The following RTTN variants were observed in gnomAD, a reference collection of about 807,000 sequenced individuals.
RTTN encodes rotatin.
A neutral mutation model predicts 269.2 loss-of-function variants in RTTN; 182 were observed. That is an observed-to-expected ratio of 0.68 (90% CI 0.60 to 0.76). The LOEUF (loss-of-function observed/expected upper bound fraction) is 0.76. Ranked by LOEUF, RTTN falls within the 30% of genes least tolerant of loss-of-function variation. RTTN has a pLI of 0.00. For missense variants in RTTN, 2,545 were observed against 2,608.6 expected (o/e 0.98, Z 0.53); for synonymous variants, 1,006 against 963.5 (o/e 1.04, Z -0.82).
Position 70,028,811 on chromosome 18 carries a change from C to G in RTTN, c.5746-10G>C. 6.3e-7 allele frequency: 1 copy of G among 1,599,610 alleles called. No individual in the cohort carries two copies. ...TAATAACACCATCCTCCTATTTAAACAAAAAGCAGTTGAAAACTGTGAATG... is the reference window on the plus strand; with the variant it reads ...TAATAACACCATCCTCCTATTTAAAGAAAAAGCAGTTGAAAACTGTGAATG... On this transcript the variant is annotated splice_polypyrimidine_tract_variant and intron_variant, in intron 42 of 48. Coordinates refer to ENST00000640769, the MANE Select transcript of RTTN (RefSeq NM_173630.4).
At chr18:70,013,616 T>C (rs1017944661) in intron 46 of RTTN, among the ~76,000 whole-genome samples, 3 of 152,300 alleles carry the variant, frequency 2.0e-5, no homozygotes, top group Admixed American at 6.5e-5. Context: ...AAAATGTAAA[T>C]AATGAGACAG....
intron 47 of RTTN, 88 bp from the exon 48 acceptor site, chr18:70,005,355 T>C (rs1000206367): frequency 2.7e-5 from 21 of 785,886 alleles, no homozygotes; most frequent in African/African-American, 1.1e-4. Flanking sequence ...AACTACAGTA[T>C]TAAACAGAAT....
Position 70,065,831 on chromosome 18 carries a change from T to G in RTTN, c.4745A>C (p.Gln1582Pro). ...GAATGTCTTCACTAAAAGGATACCT[T>G]GAGCCACAAACTGGTCATGGGAGGC... ...PEASHDQFVA[Q>P]GHQESTSPRP... The change falls in exon 35 of 49, where the codon CAA becomes CCA. Residue 1582 changes from glutamine to proline, a missense_variant and splice_region_variant. Physicochemically the swap from Gln to Pro is moderately conservative, Grantham distance 76 (BLOSUM62 -1). Coordinates refer to ENST00000640769, the MANE Select transcript of RTTN (RefSeq NM_173630.4). 1 of 1,585,154 alleles carries G rather than the reference T, an allele frequency of 6.3e-7. No homozygotes were observed. The highest frequency in any genetic ancestry group is 8.6e-7 in the Non-Finnish European group (1 of 1,164,872).
At chr18:70,006,218 G>GGTTT (rs2056181399) in intron 47 of RTTN, 163 bp downstream of exon 47, 1 of 532,894 alleles carries the variant, frequency 1.9e-6, no homozygotes, top group Admixed American at 3.4e-5. Context: ...TTCAACTGAT[G>GGTTT]GTTTACTAAT....
At chr18:70,102,512 T>C (rs191462125) in intron 28 of RTTN, among the ~76,000 whole-genome samples, 127 of 152,334 alleles carry the variant, frequency 8.3e-4, no homozygotes, top group African/African-American at 2.2e-3. Context: ...TGATGGGTCT[T>C]GACTCTTTAT....
At chr18:70,156,538 C>A (rs549339473) in intron 14 of RTTN, among the ~76,000 whole-genome samples, 2 of 152,110 alleles carry the variant, frequency 1.3e-5, no homozygotes, top group Admixed American at 1.3e-4. Flanking sequence ...TATTCTATTA[C>A]CTTGTGAAGC....
intron 25 of RTTN, among the ~76,000 whole-genome samples, chr18:70,123,878 T>C (rs964209927): frequency 5.3e-5 from 8 of 152,020 alleles, no homozygotes; most frequent in Non-Finnish European, 1.2e-4. Flanking sequence ...GATCAATAAA[T>C]GTTTGTTGAA....
chr18:70,135,063 T>C lies in RTTN; in HGVS notation c.2885+121A>G, dbSNP rs1599718591. 5.2e-5 allele frequency: 28 copies of C among 542,820 alleles called. 1 individual carries two copies. The East Asian group carries it at 9.7e-4, about 19-fold the overall frequency. The allele number at this position is 542,820 out of a possible 1,614,324, so 33.6% of individuals were successfully genotyped here. On this transcript the variant is annotated intron_variant, in intron 22 of 48. Transcript: ENST00000640769. ...TTCAAATCAAAATTCATACCACATA[T>C]GTGTAGCATGGACAGCATAAGCTTC...
intron 26 of RTTN, among the ~76,000 whole-genome samples, chr18:70,120,673 A>C (rs2059713241): frequency 6.6e-6 from 1 of 152,208 alleles, no homozygotes; most frequent in Non-Finnish European, 1.5e-5. Flanking sequence ...ATAGACCAAC[A>C]ACAGGGACCT....
At chr18:70,038,291 T>A (rs917261436) in intron 40 of RTTN, among the ~76,000 whole-genome samples, 3 of 152,152 alleles carry the variant, frequency 2.0e-5, no homozygotes, top group African/African-American at 7.2e-5. Flanking sequence ...GCGACTGCAG[T>A]GGGCTTGAGA....
At position 70,070,710 on chromosome 18, in the gene RTTN, C is replaced by T. The variant is rs116308334; in HGVS notation, c.4653+3196G>A. ...ACTCCTATCTGATTAGTCAGGTCATCAAACTTTAGCTTTCCGTCCCACATT... is the reference window on the plus strand; with the variant it reads ...ACTCCTATCTGATTAGTCAGGTCATTAAACTTTAGCTTTCCGTCCCACATT... On this transcript the variant is annotated intron_variant, in intron 34 of 48. Coordinates refer to ENST00000640769, the MANE Select transcript of RTTN (RefSeq NM_173630.4). Among the ~76,000 whole-genome samples, 523 of 152,292 alleles carry T rather than the reference C, an allele frequency of 3.4e-3. 2 individuals carry two copies. The highest frequency in any genetic ancestry group is 0.012 in the African/African-American group (490 of 41,576).
At chr18:70,108,394 T>C (rs2059378586) in intron 28 of RTTN, among the ~76,000 whole-genome samples, 1 of 152,056 alleles carries the variant, frequency 6.6e-6, no homozygotes, top group Non-Finnish European at 1.5e-5. Flanking sequence ...ATCACACCAA[T>C]GCAAATCAGC....
rs371538436 is a variant in RTTN, at chr18:70,046,153, C to A, written c.5541+1818G>T. Among the ~76,000 whole-genome samples, 32 of 152,268 alleles carry A rather than the reference C, an allele frequency of 2.1e-4. No individual in the cohort carries two copies. In the East Asian group the frequency reaches 5.0e-3, roughly 24 times the overall value. ...CTCATCAGAGACCCTTCAAACACAG[C>A]ACCACAAACAACATTAAAGAGTTGG... On this transcript the variant is annotated intron_variant, in intron 40 of 48. Transcript: ENST00000640769.
chr18:70,140,004 A>C (rs2060216740), intron 20 of RTTN, 96 bp downstream of exon 20: 2 of 837,352 alleles, frequency 2.4e-6, no homozygotes, highest in East Asian at 5.2e-5. Flanking sequence ...TAGAATTTAA[A>C]ATCCAAGTAC....
rs537832612 is a variant in RTTN at position 70,007,007 on chromosome 18, A to C, written c.6422-523T>G. ...TAGGAAGCTCCGGTCTGCAGCTTCC[A>C]GTGAGATCAATGCAGAAGGCGGGTG... On this transcript the variant is annotated intron_variant, in intron 46 of 48. Transcript: ENST00000640769. The C allele has an allele frequency of 3.3e-4, 51 of 153,478 alleles. 1 individual carries two copies. Among genetic ancestry groups the C allele is most frequent in the South Asian group, 2.7e-3 (13 of 4,896 alleles). The allele number at this position is 153,478 out of a possible 1,614,324, so 9.5% of individuals were successfully genotyped here.
chr18:70,159,494 T>C (rs533170893), intron 14 of RTTN, among the ~76,000 whole-genome samples: 10 of 152,114 alleles, frequency 6.6e-5, no homozygotes, highest in Non-Finnish European at 8.8e-5. Flanking sequence ...GTTAGAAAGA[T>C]TGCAAACTAA....
intron 10 of RTTN, among the ~76,000 whole-genome samples, chr18:70,184,703 G>GTTTTTTTTTTTTTTTTTT (rs374636456): frequency 1.9e-4 from 5 of 26,346 alleles, no homozygotes; most frequent in African/African-American, 2.8e-4. Flanking sequence ...ACCACAGCAG[G>GTTTTTTTTTTTTTTTTTT]TTTTTTTTTT....
In RTTN at chr18:70,153,770, T is replaced by C. The variant is rs199568473; in HGVS notation, c.1930-3037A>G. Among the ~76,000 whole-genome samples the C allele has an allele frequency of 1.4e-4, 22 of 152,296 alleles. No individual in the cohort carries two copies. The East Asian group carries it at 4.2e-3, about 29-fold the overall frequency. On this transcript the variant is annotated intron_variant, in intron 14 of 48. Transcript: ENST00000640769. ...CTTATATCCAAACCAAGATACTATA[T>C]CTTTATGACACAGGGGCTAACTACA...
At chr18:70,176,888 T>C in intron 10 of RTTN, 43 bp from the exon 11 acceptor site, 2 of 1,511,874 alleles carry the variant, frequency 1.3e-6, no homozygotes, top group Non-Finnish European at 9.1e-7. Flanking sequence ...AAACAACCAA[T>C]TTTAGGGGCC....
Sources: gnomAD v4.1 joint callset for allele counts (sites outside exome capture counted in the v4.1 genomes callset) on GRCh38, gnomAD v4.1.1 for gene constraint, MANE v1.5 for transcripts, NCBI Gene and HGNC (gene_info 2026-07-23, HGNC 2026-07-21) for gene names.